CAMKMT: variants seen among roughly 807,000 people sequenced by gnomAD.
CAMKMT encodes CaM KMT.
A neutral mutation model predicts 48.0 loss-of-function variants in CAMKMT; 53 were observed. The observed-to-expected ratio is 1.10, with a 90% CI of 0.89 to 1.39. CAMKMT has a LOEUF of 1.39. Among genes scored for constraint, CAMKMT ranks in the 40% most tolerant of loss-of-function variants. The pLI, the probability that CAMKMT is intolerant of heterozygous loss-of-function variation, is 0.00. For synonymous variants in CAMKMT, 165 were observed against 152.3 expected (o/e 1.08, Z -0.61); for missense variants, 428 against 402.7 (o/e 1.06, Z -0.54).
At chr2:44,507,854 A>G (rs540725127) in intron 3 of CAMKMT, among the ~76,000 whole-genome samples, 7 of 152,282 alleles carry the variant, frequency 4.6e-5, no homozygotes, top group Admixed American at 2.0e-4. Context: ...GAACTAAACA[A>G]TGTGCTTAAT....
At chr2:44,389,739 C>T (rs1681139701) in intron 2 of CAMKMT, among the ~76,000 whole-genome samples, 1 of 152,034 alleles carries the variant, frequency 6.6e-6, no homozygotes, top group Admixed American at 6.5e-5. Context: ...GATTAGTGGG[C>T]AAAAGATACA....
chr2:44,368,657 C>G lies in CAMKMT; in HGVS notation c.139-4059C>G, dbSNP rs371205634. On this transcript the variant is annotated intron_variant, in intron 1 of 10. Transcript: ENST00000378494. ...TACCATTACCTTGACATCAGAGTAC[C>G]TTGGTGCCATTACCTTGACATCAGA... is the stretch of plus-strand genomic sequence containing the variant. 3.6e-3 allele frequency among the ~76,000 whole-genome samples: 550 copies of G among 152,162 alleles called. 4 individuals carry two copies. Among genetic ancestry groups the G allele is most frequent in the African/African-American group, 0.013 (532 of 41,518 alleles).
intron 1 of CAMKMT, among the ~76,000 whole-genome samples, chr2:44,364,509 T>G (rs193270453): frequency 6.6e-6 from 1 of 152,266 alleles, no homozygotes; most frequent in East Asian, 1.9e-4. Flanking sequence ...TGGGAAAAGG[T>G]GATGTTTTAT....
At chr2:44,563,911 T>C (rs144031639) in intron 3 of CAMKMT, among the ~76,000 whole-genome samples, 10 of 152,332 alleles carry the variant, frequency 6.6e-5, no homozygotes, top group African/African-American at 2.4e-4. Context: ...GTCTTTGCTA[T>C]TGTGAATAGT....
At chr2:44,608,498 C>G (rs7568134) in intron 3 of CAMKMT, among the ~76,000 whole-genome samples, 45 of 151,580 alleles carry the variant, frequency 3.0e-4, no homozygotes, top group African/African-American at 1.1e-3. Context: ...CAGGTATTAT[C>G]GTATCCATCA....
At chr2:44,379,126 G>A (rs577113962) in intron 2 of CAMKMT, among the ~76,000 whole-genome samples, 2 of 152,170 alleles carry the variant, frequency 1.3e-5, no homozygotes, top group South Asian at 4.1e-4. Context: ...GTCTCTATGT[G>A]TTGTCTGTTC....
intron 3 of CAMKMT, among the ~76,000 whole-genome samples, chr2:44,502,361 A>T (rs1379005540): frequency 6.6e-6 from 1 of 151,826 alleles, no homozygotes; most frequent in Non-Finnish European, 1.5e-5. Context: ...TGTCTCTGTC[A>T]CTCCAGGTCT....
At chr2:44,734,231 T>C (rs1359158968) in intron 7 of CAMKMT, among the ~76,000 whole-genome samples, 1 of 152,142 alleles carries the variant, frequency 6.6e-6, no homozygotes, top group African/African-American at 2.4e-5. Flanking sequence ...ATTCGTGGCA[T>C]CCCATAAATT....
intron 3 of CAMKMT, among the ~76,000 whole-genome samples, chr2:44,681,007 GC>G (rs1256530330): frequency 6.6e-6 from 1 of 152,092 alleles, no homozygotes; most frequent in African/African-American, 2.4e-5. Context: ...CTGTAAAATT[GC>G]TTCTGGGAAC....
At chr2:44,423,034 T>A (rs1684035167) in intron 3 of CAMKMT, among the ~76,000 whole-genome samples, 1 of 152,172 alleles carries the variant, frequency 6.6e-6, no homozygotes, top group Non-Finnish European at 1.5e-5. Flanking sequence ...GCAGCAGCAA[T>A]AAAGGTATCA....
intron 3 of CAMKMT, among the ~76,000 whole-genome samples, chr2:44,617,639 G>A (rs748767911): frequency 2.6e-5 from 4 of 152,202 alleles, no homozygotes; most frequent in Non-Finnish European, 5.9e-5. Context: ...TGGGCTCACT[G>A]AGCCATATTT....
chr2:44,419,368 G>A (rs1225973322), intron 3 of CAMKMT, among the ~76,000 whole-genome samples: 1 of 152,196 alleles, frequency 6.6e-6, no homozygotes, highest in Non-Finnish European at 1.5e-5. Flanking sequence ...AAAGTGGAAG[G>A]TACGATGGCA....
intron 3 of CAMKMT, among the ~76,000 whole-genome samples, chr2:44,577,725 G>A (rs991294512): frequency 6.6e-6 from 1 of 151,954 alleles, no homozygotes; most frequent in African/African-American, 2.4e-5. Context: ...TGGAGAGGGA[G>A]AATATTCCTT....
At chr2:44,574,506 A>G (rs887636128) in intron 3 of CAMKMT, among the ~76,000 whole-genome samples, 9 of 152,042 alleles carry the variant, frequency 5.9e-5, no homozygotes, top group Admixed American at 3.9e-4. Flanking sequence ...TCAAAGGTGC[A>G]CTTGCAAAGA....
At position 44,444,897 on chromosome 2, in the gene CAMKMT, C is replaced by T. The variant is rs116803320; in HGVS notation, c.376+54592C>T. ...AATTCCACAGTTTCACCTGGGCATTCGGCTTATGAAAAGGAGTCCATGCAA... is the reference window on the plus strand; with the variant it reads ...AATTCCACAGTTTCACCTGGGCATTTGGCTTATGAAAAGGAGTCCATGCAA... On this transcript the variant is annotated intron_variant, in intron 3 of 10. Coordinates refer to ENST00000378494, the MANE Select transcript of CAMKMT (RefSeq NM_024766.5). 6.8e-3 allele frequency among the ~76,000 whole-genome samples: 1,042 copies of T among 152,260 alleles called. 11 individuals are homozygous for T. Among genetic ancestry groups the T allele is most frequent in the African/African-American group, 0.024 (982 of 41,536 alleles).
At chr2:44,647,907 C>CAAAAAAAAAAAAAAAAAAAAAAAA (rs756753917) in intron 3 of CAMKMT, among the ~76,000 whole-genome samples, 1 of 29,518 alleles carries the variant, frequency 3.4e-5, no homozygotes, top group Non-Finnish European at 7.0e-5. Flanking sequence ...GACTCCGTCT[C>CAAAAAAAAAAAAAAAAAAAAAAAA]AAAAAAAAAA....
intron 3 of CAMKMT, among the ~76,000 whole-genome samples, chr2:44,540,801 G>A (rs535474623): frequency 2.0e-4 from 31 of 152,324 alleles, no homozygotes; most frequent in African/African-American, 7.5e-4. Flanking sequence ...TTACTGAGAT[G>A]TAATTGCTTT....
chr2:44,476,469 G>A (rs1668694389), intron 3 of CAMKMT, among the ~76,000 whole-genome samples: 2 of 151,910 alleles, frequency 1.3e-5, no homozygotes, highest in Non-Finnish European at 2.9e-5. Context: ...GCTGTGAAAT[G>A]TGTTCATTTT....
rs533955014 is a variant in CAMKMT at position 44,685,329 on chromosome 2, G to T, written c.377-18954G>T. Reference sequence around the variant, plus strand: ...GGAGAGAGAATGAGATGGACAGAGGGAAAACTGAGGGAATCAAGGGAGGGA... The same window carrying T: ...GGAGAGAGAATGAGATGGACAGAGGTAAAACTGAGGGAATCAAGGGAGGGA... On this transcript the variant is annotated intron_variant, in intron 3 of 10. Coordinates refer to ENST00000378494, the MANE Select transcript of CAMKMT (RefSeq NM_024766.5). Among the ~76,000 whole-genome samples the T allele has an allele frequency of 5.9e-5, 9 of 152,296 alleles. No homozygotes were observed. In the East Asian group the frequency reaches 9.6e-4, roughly 16 times the overall value.
Sources: allele counts gnomAD v4.1 joint callset (sites outside exome capture counted in the v4.1 genomes callset), GRCh38; gene constraint gnomAD v4.1.1; transcripts MANE v1.5; gene names NCBI Gene and HGNC (gene_info 2026-07-23, HGNC 2026-07-21).